The following PLEKHA2 variants were observed in gnomAD, a reference collection of about 807,000 sequenced individuals.
The protein encoded by PLEKHA2 is pleckstrin homology domain-containing family A member 2.
In PLEKHA2, 28 loss-of-function variants were observed where a neutral mutation model predicts 53.2. The ratio of observed to expected loss-of-function variants is 0.53; its 90% CI spans 0.39 to 0.72. The LOEUF is 0.72. Ranked by LOEUF, PLEKHA2 falls within the 30% of genes least tolerant of loss-of-function variation. The probability of loss-of-function intolerance (pLI) is 0.00; values close to 1 mark genes in which losing one functional copy is unlikely to be tolerated. For missense variants in PLEKHA2, 426 were observed against 537.9 expected, an observed-to-expected ratio of 0.79 and a Z score of 2.06; for synonymous variants, 193 against 196.4, an observed-to-expected ratio of 0.98 and a Z score of 0.14.
chr8:38,916,376 T>C lies in PLEKHA2; in HGVS notation c.-23-1531T>C, dbSNP rs118024811. On this transcript the variant is annotated intron_variant, in intron 1 of 11. Transcript: ENST00000617275. ...GTCTTATTCACTCTTTCTAACTATT[T>C]TTTGTACCTATTAACCATCCCCATT... Among the ~76,000 whole-genome samples the C allele has an allele frequency of 5.6e-3, 847 of 152,332 alleles. 40 individuals carry two copies. The East Asian group carries it at 0.1, about 19-fold the overall frequency.
chr8:38,952,396 A>T, intron 7 of PLEKHA2, 84 bp downstream of exon 7: 1 of 1,528,086 alleles, frequency 6.5e-7, no homozygotes, highest in Non-Finnish European at 8.8e-7. Flanking sequence ...GTGAGAGGGG[A>T]TTGACAGGAG....
At position 38,951,095 on chromosome 8, in the gene PLEKHA2, G is replaced by T. The variant is rs2129422207; in HGVS notation, c.486+105G>T. The T allele has an allele frequency of 5.7e-6, 4 of 697,812 alleles. 1 individual carries two copies. The highest frequency in any genetic ancestry group is 5.2e-5 in the East Asian group (1 of 19,300). 43.2% of individuals were successfully genotyped at this position (697,812 alleles called of 1,614,324 possible). A position where few individuals can be genotyped will look rare whatever the true frequency, so the allele number is the denominator to read the frequency against. On this transcript the variant is annotated intron_variant, in intron 6 of 11. Transcript: ENST00000617275. ...TGTACTGGGGAAAAGGAGGGTGGGA[G>T]TGGGGGGCAGCTGGTGCCAGTGGAG...
intron 2 of PLEKHA2, among the ~76,000 whole-genome samples, chr8:38,933,235 G>A (rs1403582094): frequency 6.6e-6 from 1 of 152,094 alleles, no homozygotes; most frequent in Non-Finnish European, 1.5e-5. Flanking sequence ...AATTAGTGCT[G>A]TGGGAGGGGG....
chr8:38,942,975 C>T (rs1006643884), intron 3 of PLEKHA2, among the ~76,000 whole-genome samples: 16 of 152,168 alleles, frequency 1.1e-4, no homozygotes, highest in Admixed American at 9.2e-4. Context: ...GATGTAAAGG[C>T]AATTGTTCCA....
chr8:38,951,316 C>G (rs1834835227), intron 6 of PLEKHA2, among the ~76,000 whole-genome samples: 1 of 152,124 alleles, frequency 6.6e-6, no homozygotes, highest in African/African-American at 2.4e-5. Context: ...GGAAACCAGC[C>G]TGGTGTCCCT....
At position 38,972,768 on chromosome 8, in the gene PLEKHA2, A is replaced by AG. The variant is rs1475626377; in HGVS notation, c.*2986dup. ...GTGCATAGGCTCTGGAGTAAATCTG[A>AG]GTTTTTTTTTTTTTAAAGGAACTAA... On this transcript the variant is annotated 3_prime_UTR_variant, in exon 12 of 12. Transcript: ENST00000617275. 6.6e-5 allele frequency: 10 copies of AG among 151,478 alleles called. No individual in the cohort carries two copies. The highest frequency in any genetic ancestry group is 1.5e-4 in the Non-Finnish European group (10 of 67,888). 9.4% of individuals were successfully genotyped at this position (151,478 alleles called of 1,614,324 possible). A position where few individuals can be genotyped will look rare whatever the true frequency, so the allele number is the denominator to read the frequency against.
intron 2 of PLEKHA2, among the ~76,000 whole-genome samples, chr8:38,934,725 G>A (rs1428523439): frequency 2.6e-5 from 4 of 152,106 alleles, no homozygotes; most frequent in Non-Finnish European, 4.4e-5. Context: ...GTCTCCTGCT[G>A]TCGTGATAGT....
intron 3 of PLEKHA2, among the ~76,000 whole-genome samples, chr8:38,938,493 G>A (rs1324619167): frequency 6.6e-6 from 1 of 152,216 alleles, no homozygotes; most frequent in East Asian, 1.9e-4. Context: ...CTCCTCTTCC[G>A]GCCATGGGCA....
chr8:38,918,120 G>C, intron 2 of PLEKHA2, 50 bp downstream of exon 2: 1 of 1,583,748 alleles, frequency 6.3e-7, no homozygotes, highest in Non-Finnish European at 8.6e-7. Flanking sequence ...CCATCACTGC[G>C]CCAGAGGAAT....
chr8:38,938,543 C>T (rs528360195), intron 3 of PLEKHA2, among the ~76,000 whole-genome samples: 1 of 152,240 alleles, frequency 6.6e-6, no homozygotes, highest in Admixed American at 6.5e-5. Context: ...TGGCCGCTGA[C>T]GAGCTTGCAG....
chr8:38,907,351 C>G (rs1009135286), intron 1 of PLEKHA2, among the ~76,000 whole-genome samples: 2 of 152,164 alleles, frequency 1.3e-5, no homozygotes, highest in African/African-American at 2.4e-5. Flanking sequence ...CTAAAGTAGT[C>G]AGGCAGAGTC....
chr8:38,948,620 A>C (rs1047066033), intron 5 of PLEKHA2, among the ~76,000 whole-genome samples: 2 of 152,190 alleles, frequency 1.3e-5, no homozygotes, highest in African/African-American at 4.8e-5. Flanking sequence ...GGGGCCCAGC[A>C]TAATCAGGGT....
At chr8:38,928,244 T>A (rs1834322764) in intron 2 of PLEKHA2, among the ~76,000 whole-genome samples, 1 of 147,436 alleles carries the variant, frequency 6.8e-6, no homozygotes. Context: ...GTCTTTTTTT[T>A]TTTTTTTTTT....
rs541265999 is a variant in PLEKHA2 at position 38,966,770 on chromosome 8, T to TATTC, written c.838-1820_838-1817dup. On this transcript the variant is annotated intron_variant, in intron 10 of 11. Transcript: ENST00000617275. ...ACTCTTTAAATTTTTTTAAAAGTTT[T>TATTC]ATTCACAATAGCAAAGTCACAACTC... 2.8e-3 allele frequency among the ~76,000 whole-genome samples: 423 copies of TATTC among 152,342 alleles called. 2 individuals carry two copies. Among genetic ancestry groups the TATTC allele is most frequent in the Non-Finnish European group, 3.0e-3 (206 of 68,028 alleles).
chr8:38,972,201 T>A lies in PLEKHA2; in HGVS notation c.*2418T>A, dbSNP rs1448075080. On this transcript the variant is annotated 3_prime_UTR_variant, in exon 12 of 12. Transcript: ENST00000617275. ...GTTTTTAATTTTTTTTTTTTAATTT[T>A]TAAAAGACAGGGTCTCACTCTCTTA... 1 of 152,134 alleles carries A rather than the reference T, an allele frequency of 6.6e-6. No individual in the cohort carries two copies. Among genetic ancestry groups the A allele is most frequent in the Non-Finnish European group, 1.5e-5 (1 of 68,028 alleles). The allele number at this position is 152,134 out of a possible 1,614,324, so 9.4% of individuals were successfully genotyped here.
At chr8:38,919,447 G>A (rs1448453371) in intron 2 of PLEKHA2, among the ~76,000 whole-genome samples, 2 of 152,188 alleles carry the variant, frequency 1.3e-5, no homozygotes, top group Non-Finnish European at 2.9e-5. Context: ...TGCAAACACT[G>A]ACATGGCCTC....
At chr8:38,949,006 G>A (rs2129421688) in intron 5 of PLEKHA2, among the ~76,000 whole-genome samples, 1 of 152,156 alleles carries the variant, frequency 6.6e-6, no homozygotes, top group Admixed American at 6.5e-5. Context: ...GAGTAGCTGG[G>A]GTTACAGGTG....
intron 4 of PLEKHA2, among the ~76,000 whole-genome samples, chr8:38,944,693 A>G (rs28671720): frequency 0.012 from 1,874 of 152,162 alleles, 42 homozygotes; most frequent in African/African-American, 0.043. Flanking sequence ...ACCCATCATG[A>G]TCCAGTCACC....
chr8:38,917,885 A>T (rs768962868), intron 1 of PLEKHA2, 22 bp from the exon 2 acceptor site: 2 of 1,600,188 alleles, frequency 1.2e-6, no homozygotes, highest in South Asian at 2.2e-5. Context: ...CCTTCTCATC[A>T]GCACCTCCCT....
Sources: gnomAD v4.1 joint callset for allele counts (sites outside exome capture counted in the v4.1 genomes callset) on GRCh38, gnomAD v4.1.1 for gene constraint, MANE v1.5 for transcripts, NCBI Gene and HGNC (gene_info 2026-07-23, HGNC 2026-07-21) for gene names.